Variants in SPAG16 observed in about 807,000 individuals in gnomAD.
The protein encoded by SPAG16 is sperm-associated antigen 16 protein.
In SPAG16, 86 loss-of-function variants were observed where a neutral mutation model predicts 80.4. The observed-to-expected ratio is 1.07, with a 90% CI of 0.90 to 1.28. SPAG16 has a LOEUF of 1.28. SPAG16 is among the 50% of genes most tolerant of loss of function. The pLI is 0.00. For missense variants in SPAG16, 870 were observed against 765.3 expected (o/e 1.14, Z -1.61); for synonymous variants, 294 against 265.9 (o/e 1.11, Z -1.03).
chr2:213,398,781 A>C lies in SPAG16; in HGVS notation c.942+23662A>C, dbSNP rs115436713. Among the ~76,000 whole-genome samples the C allele has an allele frequency of 6.5e-3, 993 of 152,180 alleles. 20 individuals carry two copies. Among genetic ancestry groups the C allele is most frequent in the African/African-American group, 0.023 (957 of 41,530 alleles). ...GTTGTACTTATTAACTCATTGTATCACTTCCCACTAGAATGTAAGTCCCAT... is the reference window on the plus strand; with the variant it reads ...GTTGTACTTATTAACTCATTGTATCCCTTCCCACTAGAATGTAAGTCCCAT... On this transcript the variant is annotated intron_variant, in intron 9 of 15. Transcript: ENST00000331683.
chr2:213,599,972 C>T (rs570058783), intron 10 of SPAG16, among the ~76,000 whole-genome samples: 4 of 152,292 alleles, frequency 2.6e-5, no homozygotes, highest in East Asian at 3.9e-4. Context: ...AGGCATGAGC[C>T]GCTGCGCCTG....
At chr2:214,200,694 A>C (rs1045241652) in intron 15 of SPAG16, among the ~76,000 whole-genome samples, 1 of 152,208 alleles carries the variant, frequency 6.6e-6, no homozygotes, top group African/African-American at 2.4e-5. Context: ...ACAAGATCTC[A>C]TAAAATATAA....
At chr2:213,528,564 G>C (rs1049318765) in intron 10 of SPAG16, among the ~76,000 whole-genome samples, 2 of 152,052 alleles carry the variant, frequency 1.3e-5, no homozygotes, top group African/African-American at 4.8e-5. Flanking sequence ...AATTATACGT[G>C]TAAAACCAGA....
At chr2:213,577,455 CA>C (rs376941938) in intron 10 of SPAG16, among the ~76,000 whole-genome samples, 79 of 152,202 alleles carry the variant, frequency 5.2e-4, no homozygotes, top group Middle Eastern at 3.4e-3. Flanking sequence ...GATATTTTTC[CA>C]GTCCCGTTTC....
chr2:213,426,752 CT>C (rs2069941108), intron 9 of SPAG16, among the ~76,000 whole-genome samples: 1 of 136,776 alleles, frequency 7.3e-6, no homozygotes, highest in African/African-American at 2.9e-5. Flanking sequence ...AAGCATAAAT[CT>C]GGTGTGTGTG....
Position 214,094,376 on chromosome 2 carries a change from A to G in SPAG16, c.1528-13820A>G, listed in dbSNP as rs1260211598. On this transcript the variant is annotated intron_variant, in intron 13 of 15. Coordinates refer to ENST00000331683, the MANE Select transcript of SPAG16 (RefSeq NM_024532.5). ...AGTAGATCATTTTTTCCCAAAGTAC[A>G]TGTTAGAATCACATGGCATGCTAAT... Among the ~76,000 whole-genome samples the G allele has an allele frequency of 1.8e-4, 27 of 152,116 alleles. 2 individuals carry two copies. The highest frequency in any genetic ancestry group is 1.8e-3 in the Admixed American group (27 of 15,248).
chr2:213,829,691 G>T (rs889174451), intron 10 of SPAG16, among the ~76,000 whole-genome samples: 7 of 152,042 alleles, frequency 4.6e-5, no homozygotes, highest in African/African-American at 7.2e-5. Context: ...AATATTTAGG[G>T]CCCAGGGACT....
chr2:213,608,905 G>T (rs1018931862), intron 10 of SPAG16, among the ~76,000 whole-genome samples: 3 of 152,152 alleles, frequency 2.0e-5, no homozygotes, highest in South Asian at 2.1e-4. Flanking sequence ...GGATGGTCTC[G>T]ATCTCCTGAC....
Position 213,512,540 on chromosome 2 carries a change from T to C in SPAG16, c.1070+22450T>C, listed in dbSNP as rs2075269349. 2.6e-5 allele frequency among the ~76,000 whole-genome samples: 4 copies of C among 152,264 alleles called. No individual in the cohort carries two copies. The South Asian group carries it at 8.3e-4, about 32-fold the overall frequency. Reference sequence around the variant, plus strand: ...CACATAGCATAAACTTTGTGTGAACTGGCACTTTAATTTATAGCCCTAAAA... The same window carrying C: ...CACATAGCATAAACTTTGTGTGAACCGGCACTTTAATTTATAGCCCTAAAA... On this transcript the variant is annotated intron_variant, in intron 10 of 15. Coordinates refer to ENST00000331683, the MANE Select transcript of SPAG16 (RefSeq NM_024532.5).
chr2:213,825,601 T>C (rs2073229151), intron 10 of SPAG16, among the ~76,000 whole-genome samples: 1 of 152,124 alleles, frequency 6.6e-6, no homozygotes, highest in African/African-American at 2.4e-5. Context: ...GTCATCTTTG[T>C]AATGTATTGT....
rs1193372631 is a variant in SPAG16, at chr2:213,844,975, C to T, written c.1071-17510C>T. On this transcript the variant is annotated intron_variant, in intron 10 of 15. Coordinates refer to ENST00000331683, the MANE Select transcript of SPAG16 (RefSeq NM_024532.5). The stretch of plus-strand genomic sequence containing the variant: ...AGTGAAGAGTGAATCTGGAATTCAA[C>T]ATTTTTCACAATGCATATGTAACAT... Among the ~76,000 whole-genome samples the T allele has an allele frequency of 3.3e-5, 5 of 152,232 alleles. No homozygotes were observed. In the East Asian group the frequency reaches 9.6e-4, roughly 29 times the overall value.
At chr2:214,066,407 T>C (rs1391167486) in intron 13 of SPAG16, among the ~76,000 whole-genome samples, 1 of 152,182 alleles carries the variant, frequency 6.6e-6, no homozygotes, top group Non-Finnish European at 1.5e-5. Context: ...ATCTGTTTCA[T>C]GATGTTTTTC....
intron 10 of SPAG16, among the ~76,000 whole-genome samples, chr2:213,699,983 A>C (rs943443916): frequency 6.6e-6 from 1 of 152,214 alleles, no homozygotes; most frequent in African/African-American, 2.4e-5. Flanking sequence ...AGTTGTTAGG[A>C]AATTTCTCTC....
intron 15 of SPAG16, among the ~76,000 whole-genome samples, chr2:214,173,602 G>A (rs1174664443): frequency 2.0e-5 from 3 of 151,806 alleles, no homozygotes; most frequent in African/African-American, 7.3e-5. Context: ...CAACCAAAAA[G>A]AGTCCAGGAC....
At chr2:213,812,436 T>C (rs2072223099) in intron 10 of SPAG16, among the ~76,000 whole-genome samples, 1 of 152,148 alleles carries the variant, frequency 6.6e-6, no homozygotes, top group Non-Finnish European at 1.5e-5. Context: ...TCGGCAAAGA[T>C]AAGGACAGGA....
chr2:213,291,805 A>G lies in SPAG16; in HGVS notation c.137-4259A>G, dbSNP rs566245271. 3.4e-3 allele frequency among the ~76,000 whole-genome samples: 514 copies of G among 152,266 alleles called. 5 individuals are homozygous for G. The highest frequency in any genetic ancestry group is 4.8e-3 in the Non-Finnish European group (326 of 68,006). Reference sequence around the variant, plus strand: ...ATTCACAGCTGTGTGATCTTGGGCAAATCTTTTAATCTCTGATTCAGTTTC... The same window carrying G: ...ATTCACAGCTGTGTGATCTTGGGCAGATCTTTTAATCTCTGATTCAGTTTC... On this transcript the variant is annotated intron_variant, in intron 1 of 15. Transcript: ENST00000331683.
At chr2:213,511,220 T>A (rs1005110708) in intron 10 of SPAG16, among the ~76,000 whole-genome samples, 2 of 152,132 alleles carry the variant, frequency 1.3e-5, no homozygotes, top group African/African-American at 4.8e-5. Context: ...TTATATGACG[T>A]TATTAGCTTT....
intron 9 of SPAG16, among the ~76,000 whole-genome samples, chr2:213,416,225 C>T (rs2069245127): frequency 6.6e-6 from 1 of 152,226 alleles, no homozygotes; most frequent in Non-Finnish European, 1.5e-5. Context: ...AAGTCCTAGC[C>T]TGTGGTACAT....
intron 10 of SPAG16, among the ~76,000 whole-genome samples, chr2:213,507,810 C>A (rs2075027507): frequency 6.6e-6 from 1 of 152,202 alleles, no homozygotes; most frequent in Non-Finnish European, 1.5e-5. Flanking sequence ...TAGGTGCTCA[C>A]CTGTGTGATT....
Sources: allele counts gnomAD v4.1 joint callset (sites outside exome capture counted in the v4.1 genomes callset), GRCh38; gene constraint gnomAD v4.1.1; transcripts MANE v1.5; gene names NCBI Gene and HGNC (gene_info 2026-07-23, HGNC 2026-07-21).